The following CCM2 variants were observed in gnomAD, a reference collection of about 807,000 sequenced individuals.
The protein encoded by CCM2 is cerebral cavernous malformations 2 protein.
CCM2 carries 25 observed loss-of-function variants against 44.9 expected under a neutral mutation model. That is an observed-to-expected ratio of 0.56 (90% CI 0.41 to 0.78). CCM2 has a LOEUF of 0.78. Among genes scored for constraint, CCM2 ranks in the 30% least tolerant of loss-of-function variants. The pLI is 0.00. For missense variants in CCM2, 481 were observed against 580.6 expected, an observed-to-expected ratio of 0.83 and a Z score of 1.76; for synonymous variants, 219 against 241.1, an observed-to-expected ratio of 0.91 and a Z score of 0.85.
intron 2 of CCM2, among the ~76,000 whole-genome samples, chr7:45,060,257 G>A (rs149517364): frequency 6.6e-6 from 1 of 152,250 alleles, no homozygotes; most frequent in East Asian, 1.9e-4. Flanking sequence ...TTCTTGCTTG[G>A]ATGGTTCCTG....
chr7:45,072,508 A>G (rs1799128167), intron 6 of CCM2: 2 of 636,298 alleles, frequency 3.1e-6, no homozygotes, highest in Non-Finnish European at 5.7e-6. Flanking sequence ...TGCATTTGCC[A>G]GGATCCCCAG....
intron 1 of CCM2, among the ~76,000 whole-genome samples, chr7:45,002,578 C>G (rs376230722): frequency 6.6e-6 from 1 of 150,988 alleles, no homozygotes; most frequent in African/African-American, 2.4e-5. Context: ...TTTTTTTTAC[C>G]TCGGCCCATT....
intron 2 of CCM2, among the ~76,000 whole-genome samples, chr7:45,062,678 T>C (rs539941314): frequency 1.3e-5 from 2 of 151,970 alleles, no homozygotes; most frequent in African/African-American, 4.8e-5. Context: ...CTACAAAAAT[T>C]AGCCAGGCGT....
intron 5 of CCM2, among the ~76,000 whole-genome samples, 175 bp downstream of exon 5, chr7:45,068,754 C>T (rs1263116632): frequency 1.3e-5 from 2 of 152,168 alleles, no homozygotes; most frequent in Non-Finnish European, 1.5e-5. Flanking sequence ...CCACCTCTCT[C>T]TGCTCAACCC....
chr7:45,046,327 A>G, intron 2 of CCM2, among the ~76,000 whole-genome samples: 1 of 152,230 alleles, frequency 6.6e-6, no homozygotes, highest in East Asian at 1.9e-4. Context: ...AAATGAGAAG[A>G]GTCAGCCTGT....
intron 2 of CCM2, among the ~76,000 whole-genome samples, chr7:45,046,776 CAATG>C (rs1191915536): frequency 3.9e-5 from 6 of 152,112 alleles, no homozygotes; most frequent in African/African-American, 1.2e-4. Context: ...CTATAAAAGA[CAATG>C]AAAACATATG....
intron 1 of CCM2, among the ~76,000 whole-genome samples, chr7:45,011,969 G>A (rs1437262703): frequency 6.6e-6 from 1 of 152,138 alleles, no homozygotes; most frequent in Non-Finnish European, 1.5e-5. Context: ...TGGGATTACA[G>A]GCATGAGCCA....
intron 1 of CCM2, among the ~76,000 whole-genome samples, chr7:45,035,074 A>G (rs1259895847): frequency 1.3e-5 from 2 of 151,692 alleles, no homozygotes; most frequent in Admixed American, 6.6e-5. Context: ...GAGCTCAACA[A>G]TCTACCCACC....
chr7:45,017,400 T>C (rs1182602778), intron 1 of CCM2, among the ~76,000 whole-genome samples: 1 of 152,218 alleles, frequency 6.6e-6, no homozygotes, highest in Non-Finnish European at 1.5e-5. Context: ...GTCAGTCTCT[T>C]ATACAGTCAC....
chr7:45,025,434 C>T (rs927492723), intron 1 of CCM2, among the ~76,000 whole-genome samples: 3 of 152,100 alleles, frequency 2.0e-5, no homozygotes, highest in Non-Finnish European at 4.4e-5. Context: ...ATTCTTTGGG[C>T]TCTCCGCTAT....
intron 2 of CCM2, among the ~76,000 whole-genome samples, chr7:45,040,725 G>A (rs1456155756): frequency 1.3e-5 from 2 of 152,124 alleles, no homozygotes; most frequent in African/African-American, 4.8e-5. Context: ...GGTGGCTCAC[G>A]CCTGTAATCC....
intron 1 of CCM2, among the ~76,000 whole-genome samples, chr7:45,033,682 A>G (rs145974086): frequency 6.6e-4 from 101 of 152,322 alleles, no homozygotes; most frequent in African/African-American, 2.2e-3. Context: ...AAGCTTCCGA[A>G]AAGCTGGGCT....
At chr7:45,051,032 C>G (rs1024567114) in intron 2 of CCM2, among the ~76,000 whole-genome samples, 4 of 152,102 alleles carry the variant, frequency 2.6e-5, no homozygotes, top group African/African-American at 9.7e-5. Context: ...CAGGGTGTTA[C>G]CCATCCACCC....
At chr7:45,018,304 T>C (rs1162585434) in intron 1 of CCM2, among the ~76,000 whole-genome samples, 1 of 152,152 alleles carries the variant, frequency 6.6e-6, no homozygotes, top group East Asian at 1.9e-4. Context: ...GACCTCTGTT[T>C]TACAGGATAT....
intron 1 of CCM2, among the ~76,000 whole-genome samples, chr7:45,017,664 GTATTT>G (rs368709340): frequency 0.01 from 1,585 of 152,170 alleles, 24 homozygotes; most frequent in African/African-American, 0.037. Context: ...ATGTAATTTG[GTATTT>G]TATTGCCACA....
chr7:45,072,486 T>G, intron 6 of CCM2: 1 of 622,072 alleles, frequency 1.6e-6, no homozygotes, highest in East Asian at 2.8e-5. Context: ...CAGCCCAGCG[T>G]GCAGCAGGAT....
intron 1 of CCM2, among the ~76,000 whole-genome samples, chr7:45,012,502 T>C (rs1396698291): frequency 3.3e-5 from 5 of 152,180 alleles, no homozygotes; most frequent in Admixed American, 1.3e-4. Context: ...TAAGACTTCT[T>C]GTCCCAATCT....
At chr7:45,001,523 A>G (rs1215075596) in intron 1 of CCM2, among the ~76,000 whole-genome samples, 1 of 152,254 alleles carries the variant, frequency 6.6e-6, no homozygotes, top group African/African-American at 2.4e-5. Context: ...GTGGCTGCTT[A>G]GTAGGGACCA....
chr7:45,027,822 G>A (rs772465603), intron 1 of CCM2: 7 of 1,613,230 alleles, frequency 4.3e-6, no homozygotes, highest in African/African-American at 2.7e-5. Flanking sequence ...AGTGTGGAAA[G>A]CGCCATTTAG....
Sources: allele counts gnomAD v4.1 joint callset (sites outside exome capture counted in the v4.1 genomes callset), GRCh38; gene constraint gnomAD v4.1.1; transcripts MANE v1.5; gene names NCBI Gene and HGNC (gene_info 2026-07-23, HGNC 2026-07-21).